HERC3: variants seen among roughly 807,000 people sequenced by gnomAD.
HERC3 encodes HECT and RLD domain containing E3 ubiquitin protein ligase 3, also known as probable E3 ubiquitin-protein ligase HERC3.
In HERC3, 58 loss-of-function variants were observed where a neutral mutation model predicts 129.9. The ratio of observed to expected loss-of-function variants is 0.45; its 90% CI spans 0.36 to 0.56. The LOEUF (loss-of-function observed/expected upper bound fraction) is 0.56. HERC3 is among the 20% of genes least tolerant of loss of function. The pLI, the probability that HERC3 is intolerant of heterozygous loss-of-function variation, is 0.00. For missense variants in HERC3, 835 were observed against 1,244.2 expected (o/e 0.67, Z 4.95); for synonymous variants, 430 against 451.0 (o/e 0.95, Z 0.59).
chr4:88,628,049 T>C (rs1726324481), intron 3 of HERC3, among the ~76,000 whole-genome samples: 1 of 152,176 alleles, frequency 6.6e-6, no homozygotes, highest in African/African-American at 2.4e-5. Flanking sequence ...TATTTATAAA[T>C]GTCAATTAGT....
intron 22 of HERC3, 134 bp downstream of exon 22, chr4:88,686,936 A>AG: frequency 1.4e-6 from 1 of 711,932 alleles, no homozygotes; most frequent in Non-Finnish European, 2.4e-6. Context: ...TTTTAGTCAT[A>AG]GTGTCTTGAG....
At chr4:88,591,481 A>G (rs910062785), upstream of HERC3, among the ~76,000 whole-genome samples, 1 of 152,168 alleles carries the variant, frequency 6.6e-6, no homozygotes, top group Non-Finnish European at 1.5e-5. Context: ...GTAAGAATCT[A>G]TCCTCAAAGG....
intron 14 of HERC3, 30 bp from the exon 15 acceptor site, chr4:88,669,830 T>G: frequency 6.3e-7 from 1 of 1,590,968 alleles, no homozygotes; most frequent in South Asian, 1.1e-5. Flanking sequence ...AGATTACATG[T>G]TGAAATATGT....
chr4:88,669,778 GC>G (rs1454816065), intron 14 of HERC3, 81 bp from the exon 15 acceptor site: 1 of 1,215,198 alleles, frequency 8.2e-7, no homozygotes, highest in African/African-American at 1.5e-5. Context: ...TCTAGACAAA[GC>G]AATTTTTAAC....
At chr4:88,562,312 A>G in the HERC3 span, among the ~76,000 whole-genome samples, 16 of 152,196 alleles carry the variant, frequency 1.1e-4, no homozygotes, top group East Asian at 1.2e-3. Context: ...AGAAATGTCT[A>G]TTCAGATCTT....
chr4:88,707,012 G>GGAAC lies in HERC3; in HGVS notation c.*53_*54insAACG. ...CTTCGTTCCTCAGTGTCCACATTGA[G>GGAAC]GCCTATACAGAAAATCATGGGGAGT... On this transcript the variant is annotated 3_prime_UTR_variant, in exon 26 of 26. Coordinates refer to ENST00000402738, the MANE Select transcript of HERC3 (RefSeq NM_014606.3). 7.2e-7 allele frequency: 1 copy of GGAAC among 1,396,526 alleles called. No homozygotes were observed. The highest frequency in any genetic ancestry group is 1.0e-6 in the Non-Finnish European group (1 of 986,206). The allele number at this position is 1,396,526 out of a possible 1,614,324, so 86.5% of individuals were successfully genotyped here. A position where few individuals can be genotyped will look rare whatever the true frequency, so the allele number is the denominator to read the frequency against.
rs1359206542 is a variant in HERC3 at position 88,680,078 on chromosome 4, T to A, written c.2197-15T>A. ...AGATTTCCCGGAAGCATTAATTCTA[T>A]TCTATTATTTTAAGGTAATCTTTGA... On this transcript the variant is annotated splice_polypyrimidine_tract_variant and intron_variant, in intron 19 of 25. Transcript: ENST00000402738. 6.2e-7 allele frequency: 1 copy of A among 1,600,840 alleles called. No homozygotes were observed. The highest frequency in any genetic ancestry group is 1.1e-5 in the South Asian group (1 of 88,350).
At position 88,617,660 on chromosome 4, in the gene HERC3, A is replaced by G. The variant is rs369776739; in HGVS notation, c.226+11611A>G. On this transcript the variant is annotated intron_variant, in intron 3 of 25. Transcript: ENST00000402738. ...GCTGAGGCAGGTGGATCATGAGGTC[A>G]GGAGATCGAGACCATCCTGGCTAAC... 3.3e-5 allele frequency among the ~76,000 whole-genome samples: 5 copies of G among 152,238 alleles called. No homozygotes were observed. In the East Asian group the frequency reaches 5.8e-4, roughly 18 times the overall value.
the HERC3 span, among the ~76,000 whole-genome samples, chr4:88,558,576 C>T: frequency 2.6e-5 from 4 of 152,008 alleles, no homozygotes; most frequent in Admixed American, 6.6e-5. Flanking sequence ...GATGGGTGCA[C>T]TAAAATCTCA....
intron 16 of HERC3, among the ~76,000 whole-genome samples, chr4:88,674,438 A>G (rs1731945197): frequency 6.6e-6 from 1 of 152,216 alleles, no homozygotes; most frequent in South Asian, 2.1e-4. Context: ...AGTCACTTTT[A>G]TATTTGAAAT....
intron 10 of HERC3, among the ~76,000 whole-genome samples, chr4:88,661,022 T>C (rs1730439113): frequency 6.6e-6 from 1 of 152,226 alleles, no homozygotes; most frequent in Admixed American, 6.5e-5. Flanking sequence ...TTTAAGTGAT[T>C]CTGAACTTGT....
At chr4:88,655,053 C>A in intron 7 of HERC3, 121 bp from the exon 8 acceptor site, 1 of 901,690 alleles carries the variant, frequency 1.1e-6, no homozygotes, top group Non-Finnish European at 1.6e-6. Flanking sequence ...GTGATTTTGG[C>A]CAAGTGTCAA....
At chr4:88,693,592 C>T in intron 23 of HERC3, 2 of 941,490 alleles carry the variant, frequency 2.1e-6, no homozygotes, top group Non-Finnish European at 1.3e-6. Context: ...TACAAAACGC[C>T]ACTGAATTGT....
chr4:88,676,192 G>C (rs1450923172), intron 16 of HERC3, 26 bp from the exon 17 acceptor site: 4 of 1,506,604 alleles, frequency 2.7e-6, no homozygotes, highest in Middle Eastern at 2.2e-4. Context: ...ATTTAAGTAA[G>C]AGACTTTTTA....
At chr4:88,581,366 T>A in the HERC3 span, among the ~76,000 whole-genome samples, 3 of 152,044 alleles carry the variant, frequency 2.0e-5, no homozygotes, top group African/African-American at 7.2e-5. Context: ...AATGGCATGA[T>A]CTGGGCTCAC....
chr4:88,598,196 A>G (rs939169226), intron 2 of HERC3: 1 of 152,230 alleles, frequency 6.6e-6, no homozygotes, highest in Non-Finnish European at 1.5e-5. Context: ...ACAAAGGGAT[A>G]AGAATGAGTT....
chr4:88,618,242 G>A (rs988970929), intron 3 of HERC3, among the ~76,000 whole-genome samples: 1 of 152,196 alleles, frequency 6.6e-6, no homozygotes, highest in Non-Finnish European at 1.5e-5. Context: ...TTATTGCAAT[G>A]TCTTTATGAG....
At chr4:88,530,670 C>T in the HERC3 span, among the ~76,000 whole-genome samples, 1 of 152,086 alleles carries the variant, frequency 6.6e-6, no homozygotes, top group Non-Finnish European at 1.5e-5. Flanking sequence ...TATACTACAG[C>T]TCAGGTAAGA....
chr4:88,691,282 G>T (rs1734048116), intron 23 of HERC3, among the ~76,000 whole-genome samples: 1 of 152,136 alleles, frequency 6.6e-6, no homozygotes, highest in Non-Finnish European at 1.5e-5. Context: ...GCTACTTTAG[G>T]CACTGATGTA....
Sources: gnomAD v4.1 joint callset for allele counts (sites outside exome capture counted in the v4.1 genomes callset) on GRCh38, gnomAD v4.1.1 for gene constraint, MANE v1.5 for transcripts, NCBI Gene and HGNC (gene_info 2026-07-23, HGNC 2026-07-21) for gene names.